ZNF385D: variants seen among roughly 807,000 people sequenced by gnomAD.
ZNF385D encodes the protein zinc finger protein 659.
In ZNF385D, 15 loss-of-function variants were observed where a neutral mutation model predicts 35.8. The ratio of observed to expected loss-of-function variants is 0.42; its 90% CI spans 0.28 to 0.64. The LOEUF is 0.64. ZNF385D is among the 30% of genes least tolerant of loss of function. ZNF385D has a pLI of 0.23. For synonymous variants in ZNF385D, 212 were observed against 186.8 expected, an observed-to-expected ratio of 1.13 and a Z score of -1.10; for missense variants, 474 against 494.6, an observed-to-expected ratio of 0.96 and a Z score of 0.39.
intron 3 of ZNF385D, among the ~76,000 whole-genome samples, chr3:21,948,025 A>C (rs993238390): frequency 2.6e-5 from 4 of 152,140 alleles, no homozygotes; most frequent in African/African-American, 9.7e-5. Context: ...CATTATAATT[A>C]ATTTTCATAT....
chr3:21,901,021 G>T (rs1264904685), intron 3 of ZNF385D, among the ~76,000 whole-genome samples: 25 of 152,154 alleles, frequency 1.6e-4, no homozygotes, highest in Admixed American at 1.6e-3. Flanking sequence ...CTGTAATCTT[G>T]GTATTGCCCT....
At chr3:22,034,484 T>G (rs1318878656) in intron 3 of ZNF385D, among the ~76,000 whole-genome samples, 1 of 152,106 alleles carries the variant, frequency 6.6e-6, no homozygotes, top group South Asian at 2.1e-4. Context: ...TATTGTAAAT[T>G]TGATCTCAAA....
intron 3 of ZNF385D, among the ~76,000 whole-genome samples, chr3:22,027,505 C>A (rs1576179765): frequency 1.3e-5 from 2 of 152,288 alleles, no homozygotes; most frequent in Middle Eastern, 6.8e-3. Context: ...GGAGCAAGGT[C>A]CTGCCATCTT....
intron 3 of ZNF385D, among the ~76,000 whole-genome samples, chr3:21,758,396 G>A (rs1261801086): frequency 6.6e-6 from 1 of 152,144 alleles, no homozygotes; most frequent in Admixed American, 6.5e-5. Context: ...CTCTTGTTGT[G>A]GAAGGAGACA....
At chr3:21,869,660 C>T (rs576237793) in intron 3 of ZNF385D, among the ~76,000 whole-genome samples, 12 of 152,030 alleles carry the variant, frequency 7.9e-5, no homozygotes, top group African/African-American at 2.9e-4. Flanking sequence ...GAAAAAATAG[C>T]GTAACACAGT....
chr3:21,865,560 T>C (rs553840020), intron 3 of ZNF385D, among the ~76,000 whole-genome samples: 14 of 152,252 alleles, frequency 9.2e-5, no homozygotes, highest in African/African-American at 3.1e-4. Flanking sequence ...CATTCTTGAA[T>C]ATTACAAAAT....
At chr3:21,926,475 T>C (rs1158519067) in intron 3 of ZNF385D, among the ~76,000 whole-genome samples, 1 of 152,182 alleles carries the variant, frequency 6.6e-6, no homozygotes, top group African/African-American at 2.4e-5. Flanking sequence ...CATCCTTTTT[T>C]ATGGCTGCAT....
At chr3:22,077,051 T>C (rs1700498723) in intron 3 of ZNF385D, among the ~76,000 whole-genome samples, 1 of 151,910 alleles carries the variant, frequency 6.6e-6, no homozygotes, top group Non-Finnish European at 1.5e-5. Flanking sequence ...TTTTCAGAAA[T>C]AGCACAAGAC....
rs367740132 is a variant in ZNF385D, at chr3:22,215,897, T to C, written c.107-46862A>G. On this transcript the variant is annotated intron_variant, in intron 2 of 5. Coordinates refer to the ZNF385D transcript ENST00000494108. ...CTCTCTTTTGTACTCTGTCCCTTTA[T>C]TTCTCAGACCGGCCGACACTTAAGG... Among the ~76,000 whole-genome samples the C allele has an allele frequency of 2.6e-5, 4 of 152,074 alleles. No individual in the cohort carries two copies. The East Asian group carries it at 7.7e-4, about 29-fold the overall frequency.
intron 3 of ZNF385D, among the ~76,000 whole-genome samples, chr3:21,890,370 G>A (rs1051759151): frequency 3.3e-5 from 5 of 152,174 alleles, no homozygotes; most frequent in Non-Finnish European, 7.3e-5. Flanking sequence ...TGTAATCCCA[G>A]CACTTTGGGA....
intron 3 of ZNF385D, among the ~76,000 whole-genome samples, chr3:21,761,252 A>G (rs1323585074): frequency 2.0e-5 from 3 of 152,246 alleles, no homozygotes; most frequent in African/African-American, 7.2e-5. Flanking sequence ...ACTCCTAGTC[A>G]GCACCATCAG....
At chr3:21,842,000 G>C (rs1695713384) in intron 3 of ZNF385D, among the ~76,000 whole-genome samples, 1 of 151,148 alleles carries the variant, frequency 6.6e-6, no homozygotes, top group Non-Finnish European at 1.5e-5. Flanking sequence ...AAATGTATTT[G>C]TATAATATAT....
chr3:22,275,397 T>C (rs762527679), intron 2 of ZNF385D, among the ~76,000 whole-genome samples: 8 of 152,114 alleles, frequency 5.3e-5, no homozygotes, highest in Non-Finnish European at 7.4e-5. Context: ...TAAACCACTT[T>C]TAATTCTTCT....
At chr3:21,898,181 C>A (rs1353954844) in intron 3 of ZNF385D, among the ~76,000 whole-genome samples, 2 of 152,070 alleles carry the variant, frequency 1.3e-5, no homozygotes, top group Non-Finnish European at 2.9e-5. Flanking sequence ...AGAAACAATG[C>A]ACAATAAGGA....
chr3:21,567,235 A>AAACTT (rs1384410617), intron 2 of ZNF385D, among the ~76,000 whole-genome samples: 13 of 152,330 alleles, frequency 8.5e-5, no homozygotes, highest in East Asian at 1.9e-4. Flanking sequence ...CCAAACATTA[A>AAACTT]AACTTAATTT....
At chr3:22,064,032 AT>A (rs1699816493) in intron 3 of ZNF385D, among the ~76,000 whole-genome samples, 1 of 152,188 alleles carries the variant, frequency 6.6e-6, no homozygotes, top group African/African-American at 2.4e-5. Context: ...AGGAATCCAA[AT>A]TGTGACATTT....
chr3:22,089,850 T>C (rs1701233394), intron 3 of ZNF385D, among the ~76,000 whole-genome samples: 1 of 152,202 alleles, frequency 6.6e-6, no homozygotes, highest in Non-Finnish European at 1.5e-5. Flanking sequence ...TATTTTATTT[T>C]ATTTGAGATG....
At chr3:21,625,285 G>T (rs951801818) in intron 2 of ZNF385D, among the ~76,000 whole-genome samples, 3 of 151,948 alleles carry the variant, frequency 2.0e-5, no homozygotes, top group Non-Finnish European at 4.4e-5. Context: ...TGCTTTTGCC[G>T]TTCTCGTTGA....
intron 2 of ZNF385D, among the ~76,000 whole-genome samples, chr3:21,610,981 TG>T (rs2064659587): frequency 6.6e-6 from 1 of 152,192 alleles, no homozygotes; most frequent in African/African-American, 2.4e-5. Flanking sequence ...TGTGTAATGC[TG>T]GCTTGAGGTA....
Sources: gnomAD v4.1 joint callset for allele counts (sites outside exome capture counted in the v4.1 genomes callset) on GRCh38, gnomAD v4.1.1 for gene constraint, MANE v1.5 for transcripts, NCBI Gene and HGNC (gene_info 2026-07-23, HGNC 2026-07-21) for gene names.